Variants in DYM observed in about 807,000 individuals in gnomAD.
DYM encodes the protein dyggve-Melchior-Clausen syndrome protein.
In DYM, 78 loss-of-function variants were observed where a neutral mutation model predicts 93.1. The observed-to-expected ratio is 0.84, with a 90% CI of 0.70 to 1.01. The LOEUF (loss-of-function observed/expected upper bound fraction) is 1.01. Among genes scored for constraint, DYM ranks in the 50% least tolerant of loss-of-function variants. The pLI, the probability that DYM is intolerant of heterozygous loss-of-function variation, is 0.00. For synonymous variants in DYM, 321 were observed against 319.7 expected (o/e 1.00, Z -0.04); for missense variants, 789 against 845.0 (o/e 0.93, Z 0.82).
chr18:49,283,578 C>A (rs2095045754), intron 9 of DYM, among the ~76,000 whole-genome samples: 2 of 151,984 alleles, frequency 1.3e-5, no homozygotes, highest in Non-Finnish European at 2.9e-5. Context: ...GGTTAGGAAG[C>A]AACAAAGAAG....
chr18:49,078,358 C>T (rs190974805), intron 17 of DYM, among the ~76,000 whole-genome samples: 1 of 151,904 alleles, frequency 6.6e-6, no homozygotes, highest in Admixed American at 6.6e-5. Flanking sequence ...TCATGTACCC[C>T]ATAAATATAC....
rs75492474 is a variant in DYM, at chr18:49,137,708, C to T, written c.1729-18782G>A. The stretch of plus-strand genomic sequence containing the variant: ...TAGTTTTTCTTTAGTTAAAAGCAAA[C>T]CATACTTTCCCTAAGATCCAAAGTC... On this transcript the variant is annotated intron_variant, in intron 15 of 17. Transcript: ENST00000675505. Among the ~76,000 whole-genome samples, 18 of 152,260 alleles carry T rather than the reference C, an allele frequency of 1.2e-4. 1 individual carries two copies. The East Asian group carries it at 3.1e-3, about 26-fold the overall frequency.
At chr18:49,318,646 G>C (rs1001203796) in intron 8 of DYM, among the ~76,000 whole-genome samples, 1 of 151,524 alleles carries the variant, frequency 6.6e-6, no homozygotes, top group Non-Finnish European at 1.5e-5. Flanking sequence ...GAGAGAGAGA[G>C]AAAGAAATTA....
Position 49,209,679 on chromosome 18 carries a change from C to CT in DYM, c.1496_1497insA (p.Leu500ValfsTer23). ...AGTGGGGGAAATACAGTTTGTCCAA[C>CT]ACATAAACATATCTCCGCAAGTGGC... is the stretch of plus-strand genomic sequence containing the variant. On this transcript the variant is annotated frameshift_variant, in exon 14 of 18. Transcript: ENST00000675505. LOFTEE classifies it high-confidence loss of function. 10 of 1,287,894 alleles carry CT rather than the reference C, an allele frequency of 7.8e-6. No homozygotes were observed. Among genetic ancestry groups the CT allele is most frequent in the Non-Finnish European group, 1.0e-5 (10 of 987,908 alleles). 79.8% of individuals were successfully genotyped at this position (1,287,894 alleles called of 1,614,324 possible). A position where few individuals can be genotyped will look rare whatever the true frequency, so the allele number is the denominator to read the frequency against.
At chr18:49,316,610 G>A (rs558428665) in intron 8 of DYM, among the ~76,000 whole-genome samples, 43 of 152,248 alleles carry the variant, frequency 2.8e-4, no homozygotes, top group African/African-American at 1.0e-3. Flanking sequence ...ATAACAATAG[G>A]AGAAATGTGA....
At chr18:49,087,948 C>T (rs1460824027) in intron 17 of DYM, among the ~76,000 whole-genome samples, 4 of 152,142 alleles carry the variant, frequency 2.6e-5, no homozygotes, top group Admixed American at 2.6e-4. Flanking sequence ...TATCCTGTGC[C>T]TGCTTTTTGA....
At chr18:49,194,234 T>C (rs1385511843) in intron 14 of DYM, among the ~76,000 whole-genome samples, 1 of 152,222 alleles carries the variant, frequency 6.6e-6, no homozygotes, top group African/African-American at 2.4e-5. Context: ...TTGAGGAATT[T>C]TGTATCCAAT....
chr18:49,294,224 T>C lies in DYM; in HGVS notation c.764-7608A>G, dbSNP rs74662214. Reference sequence around the variant, plus strand: ...TGCTGTTTTGGTTACTGTAGTCTTATAGTATAGTTTGAAGTCAGGTAGCAT... The same window carrying C: ...TGCTGTTTTGGTTACTGTAGTCTTACAGTATAGTTTGAAGTCAGGTAGCAT... On this transcript the variant is annotated intron_variant, in intron 8 of 17. Transcript: ENST00000675505. 4.6e-5 allele frequency among the ~76,000 whole-genome samples: 7 copies of C among 152,332 alleles called. No homozygotes were observed. In the East Asian group the frequency reaches 7.7e-4, roughly 17 times the overall value.
intron 17 of DYM, among the ~76,000 whole-genome samples, chr18:49,071,832 AG>A (rs2076914477): frequency 6.6e-6 from 1 of 152,254 alleles, no homozygotes; most frequent in African/African-American, 2.4e-5. Flanking sequence ...AAGACTACAA[AG>A]GATCCCATGT....
chr18:49,407,427 T>G (rs772466123), intron 2 of DYM, among the ~76,000 whole-genome samples: 2 of 152,216 alleles, frequency 1.3e-5, no homozygotes, highest in Non-Finnish European at 2.9e-5. Flanking sequence ...TTCTTCAAGC[T>G]GTATAAGAAG....
chr18:49,088,689 G>A (rs2078780999), intron 17 of DYM, among the ~76,000 whole-genome samples: 1 of 152,138 alleles, frequency 6.6e-6, no homozygotes, highest in Admixed American at 6.5e-5. Flanking sequence ...ACTTAATTTG[G>A]TGTATTATGT....
intron 8 of DYM, among the ~76,000 whole-genome samples, chr18:49,325,747 G>A (rs2062833949): frequency 6.6e-6 from 1 of 152,158 alleles, no homozygotes; most frequent in Non-Finnish European, 1.5e-5. Flanking sequence ...TTTAAACGTA[G>A]AGTCCAGAAT....
At chr18:49,195,137 TTTAA>T (rs1481057708) in intron 14 of DYM, among the ~76,000 whole-genome samples, 1 of 152,228 alleles carries the variant, frequency 6.6e-6, no homozygotes, top group Non-Finnish European at 1.5e-5. Context: ...CATGCTTTTA[TTTAA>T]TTAATGGTCA....
intron 17 of DYM, among the ~76,000 whole-genome samples, chr18:49,094,839 C>G (rs1048275411): frequency 6.6e-6 from 1 of 152,156 alleles, no homozygotes; most frequent in African/African-American, 2.4e-5. Context: ...ACTTTTGGCT[C>G]ATCGGCTTCA....
rs1599129550 is a variant in DYM, at chr18:49,286,308, C to T, written c.946+126G>A. On this transcript the variant is annotated intron_variant, in intron 9 of 17. Coordinates refer to ENST00000675505, the MANE Select transcript of DYM (RefSeq NM_001353214.3). Reference sequence around the variant, plus strand: ...ATTGACAGGAAAAGCTAAAGTTTTTCTCATGTTTGACCAATATGAAAACAT... The same window carrying T: ...ATTGACAGGAAAAGCTAAAGTTTTTTTCATGTTTGACCAATATGAAAACAT... The T allele has an allele frequency of 3.6e-6, 4 of 1,107,372 alleles. No homozygotes were observed. The East Asian group carries it at 9.5e-5, about 26-fold the overall frequency. 68.6% of individuals were successfully genotyped at this position (1,107,372 alleles called of 1,614,324 possible). A position where few individuals can be genotyped will look rare whatever the true frequency, so the allele number is the denominator to read the frequency against.
At chr18:49,166,989 CGTGTGTGTGTGTGT>C (rs61299099) in intron 14 of DYM, among the ~76,000 whole-genome samples, 6,332 of 141,990 alleles carry the variant, frequency 0.045, 371 homozygotes, top group African/African-American at 0.14. Context: ...TCTCACATTC[CGTGTGTGTGTGTGT>C]GTGTGTGTGT....
chr18:49,187,897 T>C lies in DYM; in HGVS notation c.1625+21654A>G, dbSNP rs992282560. Among the ~76,000 whole-genome samples the C allele has an allele frequency of 4.6e-5, 7 of 152,230 alleles. 1 individual carries two copies. In the South Asian group the frequency reaches 1.2e-3, roughly 27 times the overall value. Reference sequence around the variant, plus strand: ...CAATAGGTATTGAGAAAGTGAGTTCTGTGGTTTTGATTATGGAGAGAGATA... The same window carrying C: ...CAATAGGTATTGAGAAAGTGAGTTCCGTGGTTTTGATTATGGAGAGAGATA... On this transcript the variant is annotated intron_variant, in intron 14 of 17. Coordinates refer to ENST00000675505, the MANE Select transcript of DYM (RefSeq NM_001353214.3).
At chr18:49,104,071 A>G (rs2080499131) in intron 16 of DYM, among the ~76,000 whole-genome samples, 1 of 152,030 alleles carries the variant, frequency 6.6e-6, no homozygotes, top group African/African-American at 2.4e-5. Context: ...ATTTGTTTGT[A>G]TCCTCTTTTA....
At chr18:49,337,871 A>G (rs1046448992) in intron 6 of DYM, among the ~76,000 whole-genome samples, 4 of 152,178 alleles carry the variant, frequency 2.6e-5, no homozygotes, top group Admixed American at 2.6e-4. Context: ...GAAGGGCATT[A>G]AAGTGAAGAA....
Sources: gnomAD v4.1 joint callset for allele counts (sites outside exome capture counted in the v4.1 genomes callset) on GRCh38, gnomAD v4.1.1 for gene constraint, MANE v1.5 for transcripts, NCBI Gene and HGNC (gene_info 2026-07-23, HGNC 2026-07-21) for gene names.